Variants in MICAL2 observed in about 807,000 individuals in gnomAD.
MICAL2 encodes microtubule associated monooxygenase, calponin and LIM domain containing 2.
MICAL2 carries 77 observed loss-of-function variants against 127.3 expected under a neutral mutation model. The ratio of observed to expected loss-of-function variants is 0.60; its 90% CI spans 0.50 to 0.73. The LOEUF (loss-of-function observed/expected upper bound fraction) is 0.73, where lower values mean the gene tolerates loss of function less well. Among genes scored for constraint, MICAL2 ranks in the 30% least tolerant of loss-of-function variants. The pLI is 0.00. For missense variants in MICAL2, 1,351 were observed against 1,434.4 expected (o/e 0.94, Z 0.94); for synonymous variants, 570 against 551.1 (o/e 1.03, Z -0.48).
chr11:12,149,920 G>A (rs913642994), intron 2 of MICAL2, among the ~76,000 whole-genome samples: 2 of 152,150 alleles, frequency 1.3e-5, no homozygotes, highest in African/African-American at 4.8e-5. Flanking sequence ...CATTTTCAGG[G>A]GCAAGTAGAG....
chr11:12,167,556 A>G (rs1855661767), intron 3 of MICAL2, among the ~76,000 whole-genome samples: 1 of 152,194 alleles, frequency 6.6e-6, no homozygotes. Flanking sequence ...CTCTGAAGTC[A>G]TCCATCATGG....
At chr11:12,303,536 G>A (rs1864073605) in intron 29 of MICAL2, 1 of 152,146 alleles carries the variant, frequency 6.6e-6, no homozygotes, top group Admixed American at 6.5e-5. Flanking sequence ...TACTATATGT[G>A]TAAAATATGC....
intron 15 of MICAL2, among the ~76,000 whole-genome samples, chr11:12,235,954 G>A (rs1374238147): frequency 1.3e-5 from 2 of 152,204 alleles, no homozygotes; most frequent in Non-Finnish European, 2.9e-5. Context: ...CTCCCTAGGT[G>A]GAGTGAGGTT....
intron 2 of MICAL2, 146 bp downstream of exon 2, chr11:12,138,606 C>T: frequency 6.6e-6 from 1 of 152,288 alleles, no homozygotes; most frequent in East Asian, 1.9e-4. Flanking sequence ...GTCAGCACCA[C>T]CTCCTCTGCA....
At chr11:12,182,466 C>G (rs1041089201) in intron 3 of MICAL2, among the ~76,000 whole-genome samples, 11 of 152,144 alleles carry the variant, frequency 7.2e-5, no homozygotes, top group African/African-American at 2.4e-4. Flanking sequence ...CAGCAATATT[C>G]TAACACACCG....
chr11:12,241,627 C>A (rs983595934), intron 18 of MICAL2, among the ~76,000 whole-genome samples: 2 of 152,156 alleles, frequency 1.3e-5, no homozygotes, highest in Non-Finnish European at 2.9e-5. Flanking sequence ...GCATAGCGGG[C>A]GGGAAGGCAG....
downstream of MICAL2, among the ~76,000 whole-genome samples, chr11:12,290,408 G>C (rs1432262843): frequency 6.6e-6 from 1 of 152,132 alleles, no homozygotes; most frequent in Non-Finnish European, 1.5e-5. Flanking sequence ...TCCTCAGGGG[G>C]AACAAAAAGG....
At chr11:12,333,208 C>T (rs767007952) in intron 32 of MICAL2, among the ~76,000 whole-genome samples, 2 of 152,128 alleles carry the variant, frequency 1.3e-5, no homozygotes, top group Non-Finnish European at 2.9e-5. Context: ...ATAACAAACA[C>T]TTAATCCCGT....
intron 29 of MICAL2, among the ~76,000 whole-genome samples, chr11:12,310,174 T>C (rs1210982792): frequency 2.0e-5 from 3 of 152,128 alleles, no homozygotes; most frequent in Non-Finnish European, 2.9e-5. Flanking sequence ...TAGGCTCTTT[T>C]GCTTGAATAA....
At chr11:12,225,398 G>T (rs911162472) in intron 13 of MICAL2, among the ~76,000 whole-genome samples, 2 of 152,164 alleles carry the variant, frequency 1.3e-5, no homozygotes, top group African/African-American at 4.8e-5. Context: ...TCACAGCCAG[G>T]TGCAAATCAC....
chr11:12,142,221 C>G (rs986584963), intron 2 of MICAL2, among the ~76,000 whole-genome samples: 3 of 152,184 alleles, frequency 2.0e-5, no homozygotes, highest in African/African-American at 7.2e-5. Context: ...CATTGTTTAT[C>G]AAGGCCTAAT....
rs142926579 is a variant in MICAL2, at chr11:12,258,522, G to T, written c.3197G>T (p.Arg1066Leu). The change falls in exon 25 of 28, where the codon CGG becomes CTG. Residue 1066 changes from arginine (R) to leucine (L), a missense_variant. This residue lies in a region of MICAL2 where 752 missense variants were observed against 719.4 expected (regional missense o/e 1.05). Transcript: ENST00000683283. ...CACTGTAAAACCAATAGCAAACAAC[G>T]GAAGAGACGGGCAGAGTTGAAGCAA... The part of the protein sequence containing the change: ...FIHCKTNSKQ[R>L]KRRAELKQQR... 1 of 1,614,114 alleles carries T rather than the reference G, an allele frequency of 6.2e-7. No individual in the cohort carries two copies. The highest frequency in any genetic ancestry group is 8.5e-7 in the Non-Finnish European group (1 of 1,180,032).
At chr11:12,302,765 C>T (rs77423933) in intron 29 of MICAL2, among the ~76,000 whole-genome samples, 2,373 of 152,130 alleles carry the variant, frequency 0.016, 51 homozygotes, top group African/African-American at 0.053. Flanking sequence ...TGACTTCAAG[C>T]GATCTTCCCA....
At chr11:12,242,063 G>A in intron 18 of MICAL2, 151 bp from the exon 19 acceptor site, 5 of 614,034 alleles carry the variant, frequency 8.1e-6, no homozygotes, top group East Asian at 2.9e-5. Flanking sequence ...TGCAGGTGGT[G>A]GAGAGTCAAC....
chr11:12,300,395 A>G (rs2095086706), intron 29 of MICAL2, among the ~76,000 whole-genome samples: 1 of 144,464 alleles, frequency 6.9e-6, no homozygotes, highest in South Asian at 2.2e-4. Flanking sequence ...AAATATAGTT[A>G]AGCCCCAAAA....
intron 1 of MICAL2, among the ~76,000 whole-genome samples, chr11:12,278,507 G>C (rs1863742463): frequency 6.6e-6 from 1 of 152,150 alleles, no homozygotes; most frequent in South Asian, 2.1e-4. Context: ...ATCAAATATG[G>C]GTTATATTGC....
intron 32 of MICAL2, among the ~76,000 whole-genome samples, chr11:12,340,400 G>A (rs570669857): frequency 6.6e-6 from 1 of 152,262 alleles, no homozygotes; most frequent in South Asian, 2.1e-4. Context: ...ATTTGGCAAG[G>A]GTGAGGGACA....
At chr11:12,293,297 C>T (rs2134786681), downstream of MICAL2, among the ~76,000 whole-genome samples, 1 of 152,294 alleles carries the variant, frequency 6.6e-6, no homozygotes, top group East Asian at 1.9e-4. Context: ...CCCCTGGCTT[C>T]CAACCCAGCT....
chr11:12,144,903 C>T (rs1344178312), intron 2 of MICAL2, among the ~76,000 whole-genome samples: 2 of 152,154 alleles, frequency 1.3e-5, no homozygotes, highest in Admixed American at 6.5e-5. Flanking sequence ...GAGAAGTTCC[C>T]GAGAGACTTC....
Sources: allele counts gnomAD v4.1 joint callset (sites outside exome capture counted in the v4.1 genomes callset), GRCh38; gene constraint gnomAD v4.1.1; regional missense constraint gnomAD v4.1.1; transcripts MANE v1.5; gene names NCBI Gene and HGNC (gene_info 2026-07-23, HGNC 2026-07-21).